CEACAM4: variants seen among roughly 807,000 people sequenced by gnomAD.
CEACAM4 encodes CEA cell adhesion molecule 4.
In CEACAM4, 30 loss-of-function variants were observed where a neutral mutation model predicts 28.7. The observed-to-expected ratio is 1.05, with a 90% confidence interval of 0.78 to 1.42. The LOEUF (loss-of-function observed/expected upper bound fraction) is 1.42. CEACAM4 is among the 40% of genes most tolerant of loss of function. The pLI is 0.00. For missense variants in CEACAM4, 330 were observed against 308.2 expected (o/e 1.07, Z -0.53); for synonymous variants, 143 against 126.5 (o/e 1.13, Z -0.87).
At position 41,621,539 on chromosome 19, in the gene CEACAM4, G is replaced by T. The variant is rs533008570; in HGVS notation, c.542+112C>A. The T allele has an allele frequency of 6.5e-5, 40 of 616,240 alleles. No individual in the cohort carries two copies. In the East Asian group the frequency reaches 6.6e-4, roughly 10 times the overall value. 38.2% of individuals were successfully genotyped at this position (616,240 alleles called of 1,614,324 possible). A position where few individuals can be genotyped will look rare whatever the true frequency, so the allele number is the denominator to read the frequency against. On this transcript the variant is annotated intron_variant, in intron 3 of 6. Coordinates refer to ENST00000221954, the MANE Select transcript of CEACAM4 (RefSeq NM_001817.4). ...GAGGAGCCATGGAATGAGAGAGAAG[G>T]ATTCCTTGGGAGGATGCGGAAAGCC...
chr19:41,626,806 C>T, intron 1 of CEACAM4, 94 bp downstream of exon 1: 1 of 1,107,406 alleles, frequency 9.0e-7, no homozygotes, highest in Non-Finnish European at 1.3e-6. Context: ...CCAGGAGACC[C>T]CAGCCAGAAG....
At position 41,623,680 on chromosome 19, in the gene CEACAM4, C is replaced by T. The variant is rs1460551567; in HGVS notation, c.425-1912G>A. On this transcript the variant is annotated intron_variant, in intron 2 of 6. Transcript: ENST00000221954. ...GGCTGGAGTTGGATATTTCCCACCC[C>T]CCTCAGTCAGTTAGGCTCCCATAAA... Among the ~76,000 whole-genome samples, 6 of 151,922 alleles carry T rather than the reference C, an allele frequency of 3.9e-5. No individual in the cohort carries two copies. The South Asian group carries it at 1.0e-3, about 26-fold the overall frequency.
chr19:41,615,290 T>A (rs964802071), downstream of CEACAM4, among the ~76,000 whole-genome samples: 12 of 151,892 alleles, frequency 7.9e-5, no homozygotes, highest in East Asian at 2.1e-3. Flanking sequence ...TCAGTATAGA[T>A]CTGAGGCTGT....
chr19:41,614,058 GC>G (rs2070962402), downstream of CEACAM4, among the ~76,000 whole-genome samples: 1 of 152,174 alleles, frequency 6.6e-6, no homozygotes, highest in Non-Finnish European at 1.5e-5. Context: ...TGTATGGAGG[GC>G]ACCTCCTTTA....
rs115161623 is a variant in CEACAM4, at chr19:41,624,305, G to A, written c.424+1296C>T. Among the ~76,000 whole-genome samples, 959 of 152,234 alleles carry A rather than the reference G, an allele frequency of 6.3e-3. 12 individuals carry two copies. Among genetic ancestry groups the A allele is most frequent in the African/African-American group, 0.022 (902 of 41,526 alleles). On this transcript the variant is annotated intron_variant, in intron 2 of 6. Transcript: ENST00000221954. ...CTACGGAGTATGTGTCTCACACTGGGCCCTGGCTGGTGCAGGGTGTGAATG... is the reference window on the plus strand; with the variant it reads ...CTACGGAGTATGTGTCTCACACTGGACCCTGGCTGGTGCAGGGTGTGAATG...
chr19:41,616,586 GATT>G (rs1172206169), downstream of CEACAM4, among the ~76,000 whole-genome samples: 1 of 152,062 alleles, frequency 6.6e-6, no homozygotes, highest in Non-Finnish European at 1.5e-5. Context: ...CCCTGAGGAG[GATT>G]ATTTGCCTAT....
intron 2 of CEACAM4, among the ~76,000 whole-genome samples, chr19:41,623,419 A>ATTTTT (rs57004828): frequency 3.8e-5 from 4 of 105,060 alleles, no homozygotes; most frequent in Admixed American, 1.0e-4. Flanking sequence ...TTCGAACTGC[A>ATTTTT]TTTTTTTTTT....
intron 4 of CEACAM4, 105 bp from the exon 5 acceptor site, chr19:41,620,347 G>C: frequency 8.9e-7 from 1 of 1,122,696 alleles, no homozygotes; most frequent in Non-Finnish European, 1.2e-6. Context: ...GGGAGAGGGA[G>C]CCTCTTCCCA....
At chr19:41,614,409 C>A (rs561473113), downstream of CEACAM4, among the ~76,000 whole-genome samples, 4 of 152,298 alleles carry the variant, frequency 2.6e-5, no homozygotes, top group East Asian at 7.7e-4. Context: ...AGAGCGTGTG[C>A]GCGTTAAACA....
At chr19:41,617,084 T>C (rs958907496), downstream of CEACAM4, among the ~76,000 whole-genome samples, 6 of 152,222 alleles carry the variant, frequency 3.9e-5, no homozygotes, top group South Asian at 8.3e-4. Flanking sequence ...AATGGGCAGC[T>C]TTTCCTGCAG....
At chr19:41,625,376 G>C (rs1026768908) in intron 2 of CEACAM4, among the ~76,000 whole-genome samples, 3 of 151,596 alleles carry the variant, frequency 2.0e-5, no homozygotes, top group Non-Finnish European at 4.4e-5. Flanking sequence ...TCCCCCTGCT[G>C]AGGCCCCCCC....
chr19:41,625,428 G>C (rs1298869378), intron 2 of CEACAM4, 173 bp downstream of exon 2: 1 of 802,972 alleles, frequency 1.2e-6, no homozygotes, highest in Non-Finnish European at 2.0e-6. Flanking sequence ...TGCAGGAAAG[G>C]AATTCTGATC....
downstream of CEACAM4, among the ~76,000 whole-genome samples, chr19:41,614,520 G>C (rs2070964878): frequency 6.6e-6 from 1 of 152,164 alleles, no homozygotes; most frequent in Admixed American, 6.5e-5. Context: ...ATAATTATTT[G>C]AGTACTGCAT....
chr19:41,621,798 G>T, intron 2 of CEACAM4, 30 bp from the exon 3 acceptor site: 2 of 1,344,226 alleles, frequency 1.5e-6, no homozygotes, highest in Non-Finnish European at 2.1e-6. Flanking sequence ...AAGGGGACAA[G>T]GCCCAAGTTT....
chr19:41,623,190 G>T (rs2071412251), intron 2 of CEACAM4, among the ~76,000 whole-genome samples: 1 of 152,042 alleles, frequency 6.6e-6, no homozygotes, highest in Non-Finnish European at 1.5e-5. Context: ...CTAATTTTTT[G>T]TATTTTTAGT....
rs782162218 is a variant in CEACAM4, at chr19:41,625,631, CAG to C, written c.392_393del (p.Ser131Ter). 1.9e-6 allele frequency: 3 copies of C among 1,588,330 alleles called. No individual in the cohort carries two copies. The highest frequency in any genetic ancestry group is 2.6e-6 in the Non-Finnish European group (3 of 1,165,590). ...TLRTINASYD[S>X]DQATGQLHVH... is the part of the protein sequence containing the mutation. ...ACGTGGAGCTGGCCAGTTGCTTGGT[CAG>C]AGTCGTAACTGGCATTTATGGTTCG... On this transcript the variant is annotated frameshift_variant, in exon 2 of 7. Coordinates refer to ENST00000221954, the MANE Select transcript of CEACAM4 (RefSeq NM_001817.4). LOFTEE classifies it high-confidence loss of function.
rs2071302764 is a variant in CEACAM4, at chr19:41,621,715, C to A, written c.478G>T (p.Val160Phe). 4 of 1,613,168 alleles carry A rather than the reference C, an allele frequency of 2.5e-6. No homozygotes were observed. In the African/African-American group the frequency reaches 5.3e-5, roughly 22 times the overall value. ...VGAVAGIVTG[V>F]LVGVALVAAL... ...GCCACCAGAGCCACCCCAACCAGGA[C>A]CCCAGTCACGATGCCAGCGACGGCC... Residue 160 changes from valine to phenylalanine, a missense_variant, in exon 3 of 7, where the codon GTC becomes TTC. Physicochemically the swap from Val to Phe is conservative, Grantham distance 50. Coordinates refer to ENST00000221954, the MANE Select transcript of CEACAM4 (RefSeq NM_001817.4).
intron 1 of CEACAM4, 102 bp from the exon 2 acceptor site, chr19:41,626,062 G>C (rs2122614855): frequency 6.3e-6 from 4 of 634,070 alleles, no homozygotes; most frequent in East Asian, 6.9e-5. Flanking sequence ...CTCAGCCTTG[G>C]AGTGTGTGTG....
At chr19:41,618,123 AG>A (rs1555799367), downstream of CEACAM4, among the ~76,000 whole-genome samples, 4 of 147,172 alleles carry the variant, frequency 2.7e-5, no homozygotes, top group Non-Finnish European at 6.1e-5. Flanking sequence ...TCACCCTTCC[AG>A]GGGCCCTCAG....
Sources: gnomAD v4.1 joint callset for allele counts (sites outside exome capture counted in the v4.1 genomes callset) on GRCh38, gnomAD v4.1.1 for gene constraint, MANE v1.5 for transcripts, NCBI Gene and HGNC (gene_info 2026-07-23, HGNC 2026-07-21) for gene names.